Variants in ADAMTSL1 observed in about 807,000 individuals in gnomAD.
The protein encoded by ADAMTSL1 is ADAMTS-like protein 1.
In ADAMTSL1, 126 loss-of-function variants were observed where a neutral mutation model predicts 201.8. The observed-to-expected ratio is 0.62, with a 90% CI of 0.54 to 0.72. The LOEUF (loss-of-function observed/expected upper bound fraction) is 0.72, where lower values mean the gene tolerates loss of function less well. Ranked by LOEUF, ADAMTSL1 falls within the 30% of genes least tolerant of loss-of-function variation. ADAMTSL1 has a pLI of 0.00. For missense variants in ADAMTSL1, 2,679 were observed against 2,277.8 expected, an observed-to-expected ratio of 1.18 and a Z score of -3.59; for synonymous variants, 1,121 against 903.4, an observed-to-expected ratio of 1.24 and a Z score of -4.32.
At chr9:18,106,265 G>T (rs1423186427) in intron 1 of ADAMTSL1, among the ~76,000 whole-genome samples, 3 of 152,166 alleles carry the variant, frequency 2.0e-5, no homozygotes, top group Non-Finnish European at 4.4e-5. Flanking sequence ...CATATGAAAA[G>T]ACATTTGTTT....
chr9:18,070,768 G>C (rs1822929076), intron 1 of ADAMTSL1, among the ~76,000 whole-genome samples: 1 of 152,172 alleles, frequency 6.6e-6, no homozygotes. Context: ...ATAGACAGAA[G>C]AGAGGAGGAT....
chr9:18,335,427 G>C (rs1489969061), intron 2 of ADAMTSL1, among the ~76,000 whole-genome samples: 1 of 152,060 alleles, frequency 6.6e-6, no homozygotes, highest in Non-Finnish European at 1.5e-5. Flanking sequence ...ACTGACCACA[G>C]ATTGATTCCA....
At chr9:18,850,717 A>AAGAAGGT (rs1189626225) in intron 23 of ADAMTSL1, among the ~76,000 whole-genome samples, 7 of 152,240 alleles carry the variant, frequency 4.6e-5, no homozygotes, top group Non-Finnish European at 1.0e-4. Context: ...AGCAGAAATA[A>AAGAAGGT]AGAAGGTAAA....
intron 1 of ADAMTSL1, among the ~76,000 whole-genome samples, chr9:18,023,804 T>G (rs1272199047): frequency 6.6e-6 from 1 of 152,156 alleles, no homozygotes; most frequent in Non-Finnish European, 1.5e-5. Flanking sequence ...TGAAAGCAAA[T>G]GTGAAATTTG....
At chr9:18,355,716 A>T (rs1563908655) in intron 2 of ADAMTSL1, among the ~76,000 whole-genome samples, 1 of 152,228 alleles carries the variant, frequency 6.6e-6, no homozygotes, top group Non-Finnish European at 1.5e-5. Context: ...TAAAAAATTA[A>T]AAAATGCTGG....
chr9:18,603,825 T>A, intron 4 of ADAMTSL1, among the ~76,000 whole-genome samples: 1 of 152,192 alleles, frequency 6.6e-6, no homozygotes. Flanking sequence ...AAACTGACAC[T>A]CTATGCCTAT....
chr9:18,082,772 G>T (rs1476334527), intron 1 of ADAMTSL1, among the ~76,000 whole-genome samples: 1 of 152,192 alleles, frequency 6.6e-6, no homozygotes, highest in Non-Finnish European at 1.5e-5. Flanking sequence ...CTGAGAAAGG[G>T]AAGAGGCAGA....
At chr9:18,285,152 T>C (rs1478519591) in intron 2 of ADAMTSL1, among the ~76,000 whole-genome samples, 1 of 152,164 alleles carries the variant, frequency 6.6e-6, no homozygotes, top group Non-Finnish European at 1.5e-5. Flanking sequence ...AAAATAAATA[T>C]ATTCAAACTC....
chr9:17,919,768 T>C (rs905320488), intron 1 of ADAMTSL1, among the ~76,000 whole-genome samples: 1 of 152,154 alleles, frequency 6.6e-6, no homozygotes, highest in Admixed American at 6.6e-5. Context: ...TTATGAGTAA[T>C]GCTGCTATAA....
chr9:18,764,046 TTTGACAGGGATTGCAC>T (rs1285950786), intron 16 of ADAMTSL1, among the ~76,000 whole-genome samples: 1 of 152,194 alleles, frequency 6.6e-6, no homozygotes, highest in African/African-American at 2.4e-5. Flanking sequence ...CTTTTGACAT[TTTGACAGGGATTGCAC>T]TGAATCTGTA....
rs1488935342 is a variant in ADAMTSL1 at position 18,910,303 on chromosome 9, A to ATATC, written c.*1757_*1760dup. 6.6e-6 allele frequency: 1 copy of ATATC among 152,226 alleles called. No homozygotes were observed. Among genetic ancestry groups the ATATC allele is most frequent in the Admixed American group, 6.5e-5 (1 of 15,282 alleles). The allele number at this position is 152,226 out of a possible 1,614,324, so 9.4% of individuals were successfully genotyped here. A position where few individuals can be genotyped will look rare whatever the true frequency, so the allele number is the denominator to read the frequency against. Reference sequence around the variant, plus strand: ...AAAAAAGAATGTTTTCTATGTCTGTATATCTTTTGTGAATATTTATTAGGA... The same window carrying ATATC: ...AAAAAAGAATGTTTTCTATGTCTGTATATCTATCTTTTGTGAATATTTATTAGGA... On this transcript the variant is annotated 3_prime_UTR_variant, in exon 29 of 29. Transcript: ENST00000380548.
intron 1 of ADAMTSL1, among the ~76,000 whole-genome samples, chr9:18,111,678 A>G (rs1020537026): frequency 6.6e-5 from 10 of 152,292 alleles, no homozygotes; most frequent in Admixed American, 6.5e-4. Context: ...TTTTCTCAAC[A>G]GACAGTTTTG....
At chr9:18,346,810 C>T (rs551816317) in intron 2 of ADAMTSL1, among the ~76,000 whole-genome samples, 1 of 152,238 alleles carries the variant, frequency 6.6e-6, no homozygotes, top group South Asian at 2.1e-4. Context: ...GTGTTTTTAA[C>T]TACCACCACA....
At chr9:18,007,149 T>G (rs1278681022) in intron 1 of ADAMTSL1, among the ~76,000 whole-genome samples, 1 of 152,008 alleles carries the variant, frequency 6.6e-6, no homozygotes, top group Non-Finnish European at 1.5e-5. Flanking sequence ...CAATAGAGTG[T>G]TGTTAACACA....
intron 2 of ADAMTSL1, among the ~76,000 whole-genome samples, chr9:18,396,748 A>G (rs1296234171): frequency 6.6e-6 from 1 of 152,044 alleles, no homozygotes; most frequent in Non-Finnish European, 1.5e-5. Context: ...AACCACTCAC[A>G]TTTTTAAACT....
chr9:18,602,704 G>A (rs1285085916), intron 4 of ADAMTSL1, among the ~76,000 whole-genome samples: 1 of 152,114 alleles, frequency 6.6e-6, no homozygotes, highest in Non-Finnish European at 1.5e-5. Flanking sequence ...AAACAAATCT[G>A]TCAGACACAG....
At chr9:18,120,169 T>C (rs753173382) in intron 1 of ADAMTSL1, among the ~76,000 whole-genome samples, 1 of 152,202 alleles carries the variant, frequency 6.6e-6, no homozygotes, top group Non-Finnish European at 1.5e-5. Context: ...GGCCACAGGA[T>C]ACCCTTCCAA....
chr9:18,747,046 T>C (rs1419897327), intron 15 of ADAMTSL1, among the ~76,000 whole-genome samples: 1 of 152,178 alleles, frequency 6.6e-6, no homozygotes, highest in East Asian at 1.9e-4. Flanking sequence ...AGATCTGTCA[T>C]TTTGTCACTT....
chr9:18,237,199 A>T (rs1830882235), intron 2 of ADAMTSL1, among the ~76,000 whole-genome samples: 1 of 152,222 alleles, frequency 6.6e-6, no homozygotes, highest in African/African-American at 2.4e-5. Flanking sequence ...ATGGCAGACC[A>T]TGAGCTCTCC....
Sources: gnomAD v4.1 joint callset for allele counts (sites outside exome capture counted in the v4.1 genomes callset) on GRCh38, gnomAD v4.1.1 for gene constraint, MANE v1.5 for transcripts, NCBI Gene and HGNC (gene_info 2026-07-23, HGNC 2026-07-21) for gene names.